The following DSG4 variants were observed in gnomAD, a reference collection of about 807,000 sequenced individuals.
The protein encoded by DSG4 is desmoglein 4, also known as desmoglein-4.
A neutral mutation model predicts 93.1 loss-of-function variants in DSG4; 87 were observed. That is an observed-to-expected ratio of 0.93 (90% CI 0.79 to 1.12). The LOEUF is 1.12. DSG4 is among the 50% of genes most tolerant of loss of function. The pLI is 0.00. For synonymous variants in DSG4, 432 were observed against 452.9 expected (o/e 0.95, Z 0.59); for missense variants, 1,373 against 1,285.7 (o/e 1.07, Z -1.04).
intron 5 of DSG4, among the ~76,000 whole-genome samples, chr18:31,390,447 T>A (rs1030665037): frequency 2.6e-5 from 4 of 152,194 alleles, no homozygotes; most frequent in African/African-American, 7.2e-5. Flanking sequence ...GGAGTGCAAG[T>A]ACTTTTAAAA....
rs2072464282 is a variant in DSG4, at chr18:31,409,592, G to A, written c.2073+1G>A. 6.2e-7 allele frequency: 1 copy of A among 1,614,212 alleles called. No individual in the cohort carries two copies. Among genetic ancestry groups the A allele is most frequent in the Non-Finnish European group, 8.5e-7 (1 of 1,180,050 alleles). ...TGAAGGGGCCCATCCCGAGGACAGG[G>A]TAAGTGGACTGTCACTCTCCAGAGA... On this transcript the variant is annotated splice_donor_variant, in intron 13 of 15. Transcript: ENST00000308128. LOFTEE classifies it high-confidence loss of function.
At position 31,411,256 on chromosome 18, in the gene DSG4, CG is replaced by C. The variant is rs745724949; in HGVS notation, c.2168del (p.Gly723AlafsTer93). 6.2e-7 allele frequency: 1 copy of C among 1,614,122 alleles called. No homozygotes were observed. The highest frequency in any genetic ancestry group is 8.5e-7 in the Non-Finnish European group (1 of 1,180,020). Reference sequence around the variant, plus strand: ...AAATCTACACCAACACCTATGCAGCCGGGGGCACGGTGGAAGGAGGTGTATC... The same window carrying C: ...AAATCTACACCAACACCTATGCAGCCGGGGCACGGTGGAAGGAGGTGTATC... ...SEIYTNTYAAGGTVEGGVSGV... is the reference protein window; with the variant it reads ...SEIYTNTYAAXGTVEGGVSGV... On this transcript the variant is annotated frameshift_variant, in exon 15 of 16. Coordinates refer to ENST00000308128, the MANE Select transcript of DSG4 (RefSeq NM_177986.5). LOFTEE classifies it high-confidence loss of function.
intron 14 of DSG4, 67 bp downstream of exon 14, chr18:31,409,875 A>G: frequency 1.3e-6 from 2 of 1,530,412 alleles, no homozygotes; most frequent in Non-Finnish European, 1.8e-6. Flanking sequence ...GACCAACTTC[A>G]TGTAAAAGTA....
At position 31,390,731 on chromosome 18, in the gene DSG4, T is replaced by C; in HGVS notation, c.593T>C (p.Ile198Thr). 6.2e-7 allele frequency: 1 copy of C among 1,613,848 alleles called. No individual in the cohort carries two copies. Among genetic ancestry groups the C allele is most frequent in the Non-Finnish European group, 8.5e-7 (1 of 1,179,814 alleles). ...CTGAATTCTAAAATTGCCTACAAGA[T>C]CGTCTCTCAGGAGCCATCAGGTGCA... ...NHLNSKIAYK[I>T]VSQEPSGAPM... The change falls in exon 6 of 16, where the codon ATC becomes ACC. Residue 198 changes from isoleucine to threonine, a missense_variant. Coordinates refer to ENST00000308128, the MANE Select transcript of DSG4 (RefSeq NM_177986.5).
At chr18:31,377,941 A>C (rs970154944) in intron 1 of DSG4, among the ~76,000 whole-genome samples, 1 of 152,224 alleles carries the variant, frequency 6.6e-6, no homozygotes, top group African/African-American at 2.4e-5. Flanking sequence ...ACTCCTCTGA[A>C]CATCAGTTGT....
intron 1 of DSG4, among the ~76,000 whole-genome samples, chr18:31,380,359 C>T (rs551862441): frequency 1.3e-5 from 2 of 152,216 alleles, no homozygotes; most frequent in Admixed American, 6.5e-5. Context: ...GAAGGAGTTC[C>T]GTATAGAGCA....
At chr18:31,387,354 C>T (rs2072199241) in intron 3 of DSG4, among the ~76,000 whole-genome samples, 1 of 152,130 alleles carries the variant, frequency 6.6e-6, no homozygotes, top group African/African-American at 2.4e-5. Flanking sequence ...TAGCTTCATT[C>T]ACTCTTTCTG....
At chr18:31,404,213 A>G (rs1347546082) in intron 11 of DSG4, among the ~76,000 whole-genome samples, 1 of 152,220 alleles carries the variant, frequency 6.6e-6, no homozygotes, top group Non-Finnish European at 1.5e-5. Flanking sequence ...GTTAATATAC[A>G]GCCATTAAAA....
Position 31,411,284 on chromosome 18 carries a change from G to C in DSG4, c.2191G>C (p.Gly731Arg), listed in dbSNP as rs753843285. The change falls in exon 15 of 16, where the codon GGA (glycine) becomes CGA (arginine). Residue 731 changes from glycine (G) to arginine (R), a missense_variant. Physicochemically the swap from Gly to Arg is moderately radical, Grantham distance 125. Coordinates refer to ENST00000308128, the MANE Select transcript of DSG4 (RefSeq NM_177986.5). ...GGGCACGGTGGAAGGAGGTGTATCG[G>C]GAGTGGAGCTCAACACAGGTATGGG... ...AGGTVEGGVS[G>R]VELNTGMGTA... 6 of 1,613,226 alleles carry C rather than the reference G, an allele frequency of 3.7e-6. No individual in the cohort carries two copies. In the South Asian group the frequency reaches 5.5e-5, roughly 15 times the overall value.
At chr18:31,390,583 T>C (rs1333586371) in intron 5 of DSG4, 73 bp from the exon 6 acceptor site, 17 of 1,581,694 alleles carry the variant, frequency 1.1e-5, no homozygotes, top group Non-Finnish European at 1.5e-5. Flanking sequence ...CCACTCTGTC[T>C]TCTTATGCCT....
chr18:31,406,150 C>A lies in DSG4; in HGVS notation c.1710C>A (p.Asp570Glu), dbSNP rs758325007. Residue 570 changes from aspartate (D) to glutamate (E), a missense_variant, in exon 12 of 16, where the codon GAC becomes GAA. Transcript: ENST00000308128. The part of the protein sequence containing the change: ...GFYEIPILVK[D>E]SYNRACELAQ... ...ATGAAATCCCAATCCTGGTGAAGGA[C>A]AGCTATAACAGAGCATGTGAATTGG... 1 of 1,614,084 alleles carries A rather than the reference C, an allele frequency of 6.2e-7. No individual in the cohort carries two copies. Among genetic ancestry groups the A allele is most frequent in the Admixed American group, 1.7e-5 (1 of 60,016 alleles).
At position 31,413,521 on chromosome 18, in the gene DSG4, G is replaced by T; in HGVS notation, c.3049G>T (p.Val1017Phe). The T allele has an allele frequency of 6.2e-7, 1 of 1,613,938 alleles. No individual in the cohort carries two copies. The highest frequency in any genetic ancestry group is 8.5e-7 in the Non-Finnish European group (1 of 1,179,970). The change falls in exon 16 of 16, where the codon GTT becomes TTT. Residue 1017 changes from valine to phenylalanine, a missense_variant. Val to Phe is a conservative substitution (Grantham distance 50, BLOSUM62 -1). Coordinates refer to ENST00000308128, the MANE Select transcript of DSG4 (RefSeq NM_177986.5). ...MSPDLPIGQT[V>F]GSTSPMTSRH... The stretch of plus-strand genomic sequence containing the variant: ...TCCAGACCTTCCCATAGGCCAAACC[G>T]TTGGCTCCACATCCCCCATGACATC...
intron 4 of DSG4, 74 bp downstream of exon 4, chr18:31,388,596 T>C: frequency 3.2e-6 from 5 of 1,571,902 alleles, no homozygotes; most frequent in Non-Finnish European, 4.3e-6. Flanking sequence ...TATCTTAAGA[T>C]AATGGATTAC....
intron 2 of DSG4, 124 bp from the exon 3 acceptor site, chr18:31,386,564 A>G (rs2072189771): frequency 1.4e-6 from 2 of 1,440,060 alleles, no homozygotes; most frequent in East Asian, 2.4e-5. Flanking sequence ...TGGTGAAAAC[A>G]TTCTCTGTTC....
intron 14 of DSG4, among the ~76,000 whole-genome samples, 175 bp downstream of exon 14, chr18:31,409,983 C>G (rs917142647): frequency 6.6e-6 from 1 of 152,078 alleles, no homozygotes; most frequent in Admixed American, 6.5e-5. Flanking sequence ...TCTGAAACTA[C>G]AGACAGTGAA....
At chr18:31,395,736 C>T (rs1017994402) in intron 8 of DSG4, among the ~76,000 whole-genome samples, 1 of 152,210 alleles carries the variant, frequency 6.6e-6, no homozygotes, top group African/African-American at 2.4e-5. Context: ...TAAGGTGGCT[C>T]GTGCCTGTAA....
At chr18:31,391,455 A>G (rs976769146) in intron 7 of DSG4, among the ~76,000 whole-genome samples, 1 of 152,182 alleles carries the variant, frequency 6.6e-6, no homozygotes, top group African/African-American at 2.4e-5. Flanking sequence ...TCTATTCTGT[A>G]TACTCTATTC....
chr18:31,410,092 G>C (rs577029045), intron 14 of DSG4, among the ~76,000 whole-genome samples: 1 of 152,066 alleles, frequency 6.6e-6, no homozygotes. Flanking sequence ...TCTTTTATCC[G>C]AAATGCATAG....
intron 14 of DSG4, 45 bp from the exon 15 acceptor site, chr18:31,411,186 T>G: frequency 6.2e-7 from 1 of 1,614,260 alleles, no homozygotes; most frequent in South Asian, 1.1e-5. Context: ...AGATGCGCGC[T>G]GCAGGCAACT....
Sources: gnomAD v4.1 joint callset for allele counts (sites outside exome capture counted in the v4.1 genomes callset) on GRCh38, gnomAD v4.1.1 for gene constraint, MANE v1.5 for transcripts, NCBI Gene and HGNC (gene_info 2026-07-23, HGNC 2026-07-21) for gene names.